PARD3B: variants seen among roughly 807,000 people sequenced by gnomAD.
PARD3B encodes the protein par-3 family cell polarity regulator beta.
PARD3B carries 103 observed loss-of-function variants against 130.2 expected under a neutral mutation model. The observed-to-expected ratio is 0.79, with a 90% CI of 0.67 to 0.93. The LOEUF (loss-of-function observed/expected upper bound fraction) is 0.93. Ranked by LOEUF, PARD3B falls within the 40% of genes least tolerant of loss-of-function variation. PARD3B has a pLI of 0.00. For missense variants in PARD3B, 1,609 were observed against 1,499.2 expected (o/e 1.07, Z -1.21); for synonymous variants, 583 against 553.2 (o/e 1.05, Z -0.76).
In PARD3B at chr2:205,254,088, TAAAA is replaced by T. The variant is rs11287171; in HGVS notation, c.2185+8288_2185+8291del. ...GTGGTATCATTAGTTGTAGAGAAAT[TAAAA>T]AAAAAAAAAAAAAAAAAAAAAGCTG... On this transcript the variant is annotated intron_variant, in intron 16 of 22. Transcript: ENST00000406610. Among the ~76,000 whole-genome samples the T allele has an allele frequency of 5.1e-3, 384 of 75,972 alleles. 2 individuals are homozygous for T. Among genetic ancestry groups the T allele is most frequent in the East Asian group, 0.018 (46 of 2,584 alleles). The allele number at this position is 75,972 out of a possible 152,430, so 49.8% of individuals were successfully genotyped here.
intron 2 of PARD3B, among the ~76,000 whole-genome samples, chr2:204,940,029 G>A (rs1688782933): frequency 1.3e-5 from 2 of 152,168 alleles, no homozygotes; most frequent in Non-Finnish European, 2.9e-5. Context: ...AGAAAGATAA[G>A]CATTGCTTTC....
At chr2:205,171,762 G>C (rs1454576804) in intron 11 of PARD3B, among the ~76,000 whole-genome samples, 1 of 152,156 alleles carries the variant, frequency 6.6e-6, no homozygotes, top group Non-Finnish European at 1.5e-5. Context: ...CATTACTACT[G>C]TCAAGCACAC....
In PARD3B at chr2:205,572,959, G is replaced by C. The variant is rs2053610823; in HGVS notation, c.3260+19556G>C. ...CTCACAGTTCAGCATGGCTAGGGAG[G>C]CCTCAGGAAACTTACAGTCATGGTA... On this transcript the variant is annotated intron_variant, in intron 22 of 22. Transcript: ENST00000406610. This position sits in a 1 kb window ranked among gnomAD's most constrained non-coding sequence, Gnocchi z 4.2. 6.6e-6 allele frequency among the ~76,000 whole-genome samples: 1 copy of C among 152,166 alleles called. No individual in the cohort carries two copies. The highest frequency in any genetic ancestry group is 2.4e-5 in the African/African-American group (1 of 41,442).
intron 18 of PARD3B, among the ~76,000 whole-genome samples, chr2:205,315,034 T>G (rs2042516264): frequency 6.6e-6 from 1 of 152,232 alleles, no homozygotes; most frequent in South Asian, 2.1e-4. Context: ...ATAACTGGAT[T>G]GTTGCAATAA....
In PARD3B at chr2:204,686,288, T is replaced by C; in HGVS notation, c.222+6T>C. 1.3e-6 allele frequency: 2 copies of C among 1,594,178 alleles called. No homozygotes were observed. Among genetic ancestry groups the C allele is most frequent in the Non-Finnish European group, 1.7e-6 (2 of 1,162,100 alleles). ...TTGTTGAAGATAAAGACAAGGTAGATAACTCTAAAAATGTGCCTCTTTGTT... is the reference window on the plus strand; with the variant it reads ...TTGTTGAAGATAAAGACAAGGTAGACAACTCTAAAAATGTGCCTCTTTGTT... On this transcript the variant is annotated splice_donor_region_variant and intron_variant, in intron 2 of 22. Coordinates refer to ENST00000406610, the MANE Select transcript of PARD3B (RefSeq NM_001302769.2).
At chr2:205,451,752 T>C (rs7588063) in intron 20 of PARD3B, among the ~76,000 whole-genome samples, 6,491 of 151,710 alleles carry the variant, frequency 0.043, 480 homozygotes, top group African/African-American at 0.15. Context: ...AGGCATACAA[T>C]GCATAATAAT....
intron 2 of PARD3B, among the ~76,000 whole-genome samples, chr2:204,952,121 G>T (rs1689825118): frequency 6.6e-6 from 1 of 152,140 alleles, no homozygotes; most frequent in African/African-American, 2.4e-5. Flanking sequence ...TGAGTTTTGT[G>T]AGTAGATTTA....
intron 3 of PARD3B, among the ~76,000 whole-genome samples, chr2:205,034,063 G>A (rs560348060): frequency 3.1e-4 from 47 of 152,244 alleles, no homozygotes; most frequent in African/African-American, 1.1e-3. Context: ...TGTTAGTTGA[G>A]GGGAAACAAA....
chr2:205,471,631 G>A (rs1411605047), intron 20 of PARD3B, among the ~76,000 whole-genome samples: 1 of 152,034 alleles, frequency 6.6e-6, no homozygotes, highest in Non-Finnish European at 1.5e-5. Context: ...CCAAAGTGCT[G>A]GGATTAGAAG....
intron 2 of PARD3B, among the ~76,000 whole-genome samples, chr2:204,919,798 A>G (rs1432071170): frequency 6.6e-6 from 1 of 152,152 alleles, no homozygotes; most frequent in Non-Finnish European, 1.5e-5. Context: ...AAGGCAAGCC[A>G]TACGTTGTAG....
chr2:205,614,734 C>T (rs1298719272), intron 22 of PARD3B, among the ~76,000 whole-genome samples: 1 of 151,398 alleles, frequency 6.6e-6, no homozygotes, highest in Non-Finnish European at 1.5e-5. Context: ...AAAAAAAGAG[C>T]TCTAGGTGCT....
chr2:204,561,471 T>C (rs573599257), intron 1 of PARD3B, among the ~76,000 whole-genome samples: 48 of 152,252 alleles, frequency 3.2e-4, no homozygotes, highest in African/African-American at 1.1e-3. Context: ...GGGTCGGCCA[T>C]TGGGGAAGCC....
chr2:205,277,419 C>T (rs1158427025), intron 16 of PARD3B, among the ~76,000 whole-genome samples: 2 of 152,158 alleles, frequency 1.3e-5, no homozygotes, highest in African/African-American at 2.4e-5. Flanking sequence ...TACAGTATAG[C>T]ACTTAGAATA....
At chr2:204,798,190 C>T (rs544963720) in intron 2 of PARD3B, among the ~76,000 whole-genome samples, 2 of 152,296 alleles carry the variant, frequency 1.3e-5, no homozygotes, top group Admixed American at 6.5e-5. Flanking sequence ...ACTACTCCCT[C>T]ATCCCCCAGC....
At chr2:205,569,579 A>C (rs2053487939) in intron 22 of PARD3B, among the ~76,000 whole-genome samples, 1 of 152,216 alleles carries the variant, frequency 6.6e-6, no homozygotes, top group Non-Finnish European at 1.5e-5. Flanking sequence ...ACTAAAAAAC[A>C]CATGGTGGTC....
chr2:204,919,833 A>G (rs563227552), intron 2 of PARD3B, among the ~76,000 whole-genome samples: 1 of 152,342 alleles, frequency 6.6e-6, no homozygotes, highest in South Asian at 2.1e-4. Context: ...CACTGTGTAT[A>G]TAAGAGGCTT....
intron 18 of PARD3B, among the ~76,000 whole-genome samples, chr2:205,359,534 T>C (rs2044313616): frequency 6.6e-6 from 1 of 152,206 alleles, no homozygotes; most frequent in South Asian, 2.1e-4. Context: ...ACTCTTTCCC[T>C]GTTTGATTTT....
chr2:205,171,540 A>G (rs1457916466), intron 11 of PARD3B, among the ~76,000 whole-genome samples: 2 of 152,206 alleles, frequency 1.3e-5, no homozygotes, highest in Non-Finnish European at 2.9e-5. Context: ...ATGCTGGTTG[A>G]AAGTACTCAT....
intron 15 of PARD3B, among the ~76,000 whole-genome samples, chr2:205,193,612 A>G (rs2036512400): frequency 6.6e-6 from 1 of 152,222 alleles, no homozygotes; most frequent in African/African-American, 2.4e-5. Context: ...TTCCAGAGGC[A>G]TCTTTATCTC....
Sources: gnomAD v4.1 joint callset for allele counts (sites outside exome capture counted in the v4.1 genomes callset) on GRCh38, gnomAD v4.1.1 for gene constraint, Gnocchi (gnomAD v3.1) non-coding constraint, MANE v1.5 for transcripts, NCBI Gene and HGNC (gene_info 2026-07-23, HGNC 2026-07-21) for gene names.